Variants in RBFOX1 observed in about 807,000 individuals in gnomAD.
RBFOX1 encodes RNA binding fox-1 homolog 1, also known as RNA binding protein fox-1 homolog 1.
Under a neutral mutation model 57.7 loss-of-function variants are expected in RBFOX1, and 8 were observed. The observed-to-expected ratio is 0.14, with a 90% confidence interval of 0.08 to 0.25. RBFOX1 has a LOEUF of 0.25. RBFOX1 is among the 10% of genes least tolerant of loss of function. RBFOX1 has a pLI of 1.00. For missense variants in RBFOX1, 611 were observed against 548.5 expected (o/e 1.11, Z -1.14); for synonymous variants, 326 against 222.4 (o/e 1.47, Z -4.15).
chr16:6,200,472 A>T (rs997349899), intron 1 of RBFOX1, among the ~76,000 whole-genome samples: 1 of 152,160 alleles, frequency 6.6e-6, no homozygotes, highest in Non-Finnish European at 1.5e-5. Context: ...GTATACCATC[A>T]GTTTTGCGAT....
chr16:7,639,835 A>G (rs1291419007), intron 11 of RBFOX1, among the ~76,000 whole-genome samples: 2 of 152,144 alleles, frequency 1.3e-5, no homozygotes, highest in East Asian at 1.9e-4. Flanking sequence ...TCAGACACCT[A>G]CTAGGTGCCA....
rs375231164 is a variant in RBFOX1 at position 7,239,930 on chromosome 16, C to G, written c.27+187832C>G. On this transcript the variant is annotated intron_variant, in intron 4 of 15. Transcript: ENST00000550418. ...TGGTAGTTAGTATTTCAATTGTAAT[C>G]AAATTCCAAAACTTCCTACCTGTTG... Among the ~76,000 whole-genome samples the G allele has an allele frequency of 5.3e-4, 81 of 152,258 alleles. 2 individuals carry two copies. The South Asian group carries it at 0.016, about 31-fold the overall frequency.
At chr16:5,804,935 C>G (rs1397908730) in intron 3 of RBFOX1, among the ~76,000 whole-genome samples, 1 of 152,162 alleles carries the variant, frequency 6.6e-6, no homozygotes, top group Admixed American at 6.5e-5. Context: ...CAGCATTTCT[C>G]TGACAGGTTT....
intron 1 of RBFOX1, among the ~76,000 whole-genome samples, chr16:6,226,847 C>G (rs1246614313): frequency 6.6e-6 from 1 of 151,414 alleles, no homozygotes; most frequent in Non-Finnish European, 1.5e-5. Flanking sequence ...TAGTGCCACA[C>G]ACCTGTAATC....
intron 2 of RBFOX1, among the ~76,000 whole-genome samples, chr16:6,651,182 G>A (rs767529131): frequency 7.0e-4 from 106 of 152,264 alleles, no homozygotes; most frequent in African/African-American, 2.3e-3. Context: ...GATTGCAGGC[G>A]TGAGCCACCA....
At chr16:7,649,027 A>AAT (rs2064360610) in intron 11 of RBFOX1, among the ~76,000 whole-genome samples, 1 of 152,164 alleles carries the variant, frequency 6.6e-6, no homozygotes, top group Non-Finnish European at 1.5e-5. Context: ...TCCTATCCAG[A>AAT]CCCTAAGAGA....
chr16:6,569,102 C>T lies in RBFOX1; in HGVS notation c.-63-85501C>T, dbSNP rs555018845. Among the ~76,000 whole-genome samples, 10 of 152,304 alleles carry T rather than the reference C, an allele frequency of 6.6e-5. No individual in the cohort carries two copies. The South Asian group carries it at 1.2e-3, about 19-fold the overall frequency. On this transcript the variant is annotated intron_variant, in intron 2 of 15. Coordinates refer to ENST00000550418, the MANE Select transcript of RBFOX1 (RefSeq NM_018723.4). ...AGAATACAGATTCTGGTGTCAGCAG[C>T]CCAGCTTTGAATACTCTCTCTGCCT...
At chr16:6,213,141 C>G (rs2097309447) in intron 1 of RBFOX1, among the ~76,000 whole-genome samples, 2 of 152,110 alleles carry the variant, frequency 1.3e-5, no homozygotes, top group Admixed American at 1.3e-4. Flanking sequence ...AGTTTGATGT[C>G]TATTTATTGC....
chr16:5,413,541 C>T (rs1176601753), intron 1 of RBFOX1, among the ~76,000 whole-genome samples: 1 of 152,188 alleles, frequency 6.6e-6, no homozygotes, highest in African/African-American at 2.4e-5. Flanking sequence ...GGAGCTGTGG[C>T]CACCATATCA....
chr16:6,490,940 C>G (rs781181877), intron 2 of RBFOX1, among the ~76,000 whole-genome samples: 1 of 152,040 alleles, frequency 6.6e-6, no homozygotes, highest in Admixed American at 6.6e-5. Flanking sequence ...TGTGGAATAC[C>G]TATTTCATCT....
At chr16:6,977,948 A>AAAAATAAATG (rs199878530) in intron 3 of RBFOX1, among the ~76,000 whole-genome samples, 1 of 56,344 alleles carries the variant, frequency 1.8e-5, no homozygotes, top group Non-Finnish European at 8.1e-5. Flanking sequence ...AAAAAAAAAA[A>AAAAATAAATG]AAAGGCAAAC....
chr16:6,363,047 A>G (rs1215101128), intron 2 of RBFOX1, among the ~76,000 whole-genome samples: 2 of 152,222 alleles, frequency 1.3e-5, no homozygotes, highest in Non-Finnish European at 2.9e-5. Context: ...TTTTCTCTCA[A>G]TATGAAATGA....
intron 8 of RBFOX1, 117 bp downstream of exon 8, chr16:7,595,758 T>TTATA (rs376848132): frequency 5.9e-5 from 23 of 390,970 alleles, no homozygotes; most frequent in African/African-American, 1.7e-4. Context: ...CCCTCATTGT[T>TTATA]TATATATATA....
chr16:6,611,531 C>T (rs1237197757), intron 2 of RBFOX1, among the ~76,000 whole-genome samples: 2 of 152,168 alleles, frequency 1.3e-5, no homozygotes, highest in African/African-American at 2.4e-5. Flanking sequence ...GATTCTGGTA[C>T]TCATACAACT....
At chr16:5,455,410 C>G (rs2068599043) in intron 1 of RBFOX1, among the ~76,000 whole-genome samples, 1 of 152,114 alleles carries the variant, frequency 6.6e-6, no homozygotes, top group African/African-American at 2.4e-5. Flanking sequence ...TGAAGCAGTC[C>G]TGAGCCCTCC....
intron 3 of RBFOX1, among the ~76,000 whole-genome samples, chr16:6,941,300 C>CTCCCTTCCTTCCTTCCT (rs1555654057): frequency 1.3e-5 from 1 of 79,154 alleles, no homozygotes; most frequent in African/African-American, 5.7e-5. Flanking sequence ...CCCTCCCTCC[C>CTCCCTTCCTTCCTTCCT]TCCTTCCTTC....
At chr16:5,424,849 C>CTT (rs2067467834) in intron 1 of RBFOX1, among the ~76,000 whole-genome samples, 2 of 149,732 alleles carry the variant, frequency 1.3e-5, no homozygotes, top group African/African-American at 2.5e-5. Context: ...TTCTTTCTTT[C>CTT]TCTCTCTCTC....
At chr16:5,649,998 T>C (rs186383014) in intron 3 of RBFOX1, among the ~76,000 whole-genome samples, 1 of 152,326 alleles carries the variant, frequency 6.6e-6, no homozygotes, top group African/African-American at 2.4e-5. Flanking sequence ...GCAGAGTCGA[T>C]GTTTTGCAAA....
At chr16:7,340,133 C>T (rs1041653895) in intron 4 of RBFOX1, among the ~76,000 whole-genome samples, 3 of 152,180 alleles carry the variant, frequency 2.0e-5, no homozygotes, top group African/African-American at 7.2e-5. Context: ...GGGTCAGCCC[C>T]AAGAAAGCTG....
Sources: allele counts gnomAD v4.1 joint callset (sites outside exome capture counted in the v4.1 genomes callset), GRCh38; gene constraint gnomAD v4.1.1; transcripts MANE v1.5; gene names NCBI Gene and HGNC (gene_info 2026-07-23, HGNC 2026-07-21).